WNK3: variants seen among roughly 807,000 people sequenced by gnomAD.
The protein encoded by WNK3 is serine/threonine-protein kinase WNK3.
WNK3 carries 18 observed loss-of-function variants against 116.7 expected under a neutral mutation model. The ratio of observed to expected loss-of-function variants is 0.15; its 90% confidence interval spans 0.11 to 0.23. The LOEUF is 0.23. Among genes scored for constraint, WNK3 ranks in the 10% least tolerant of loss-of-function variants. The pLI is 1.00. For missense variants in WNK3, 993 were observed against 1,323.8 expected (o/e 0.75, Z 3.88); for synonymous variants, 404 against 469.4 (o/e 0.86, Z 1.80).
chrX:54,320,362 C>T (rs1557171929), intron 2 of WNK3, among the ~76,000 whole-genome samples: 3 of 111,618 alleles, frequency 2.7e-5, no homozygotes, highest in African/African-American at 9.8e-5. Context: ...TCTACAGAAA[C>T]AAGTCAGAGG....
intron 10 of WNK3, among the ~76,000 whole-genome samples, chrX:54,280,070 G>A (rs782772063): frequency 2.1e-4 from 24 of 112,227 alleles, no homozygotes; most frequent in African/African-American, 3.2e-4. Flanking sequence ...AGGCCGAGGC[G>A]GGTGGATCAG....
At chrX:54,275,415 A>ATGTGTGTGTGTGTGTGTGTGTGTGTGTG (rs782672834) in intron 10 of WNK3, among the ~76,000 whole-genome samples, 1 of 64,432 alleles carries the variant, frequency 1.6e-5, no homozygotes, top group East Asian at 6.3e-4. Flanking sequence ...ATAAGTTCAT[A>ATGTGTGTGTGTGTGTGTGTGTGTGTGTG]TGTGTGTGTG....
exon 24 of WNK3, chrX:54,196,144 T>C (rs2067440297): frequency 9.0e-6 from 1 of 111,519 alleles, no homozygotes; most frequent in African/African-American, 3.3e-5. Flanking sequence ...TTTATACATA[T>C]GGAAAACAGT....
chrX:54,234,148 A>C (rs965430189), intron 20 of WNK3, among the ~76,000 whole-genome samples: 23 of 110,387 alleles, frequency 2.1e-4, no homozygotes, highest in South Asian at 3.9e-4. Context: ...CTGAGACAGG[A>C]GGATGGCCTG....
intron 17 of WNK3, 42 bp downstream of exon 17, chrX:54,248,654 AT>A (rs1334101089): frequency 1.9e-6 from 2 of 1,078,976 alleles, no homozygotes; most frequent in African/African-American, 3.7e-5. Context: ...CTTTAAAACA[AT>A]AAGCAAAGAG....
chrX:54,210,155 A>G (rs1457938009), intron 22 of WNK3, among the ~76,000 whole-genome samples: 1 of 112,094 alleles, frequency 8.9e-6, no homozygotes, highest in Non-Finnish European at 1.9e-5. Context: ...TATTGGAGCT[A>G]GAAATATGAA....
chrX:54,206,857 C>G (rs2067559170), intron 22 of WNK3, among the ~76,000 whole-genome samples: 1 of 111,211 alleles, frequency 9.0e-6, no homozygotes, highest in Non-Finnish European at 1.9e-5. Flanking sequence ...TGGTTAAACC[C>G]TGTCTCTACT....
At chrX:54,250,199 G>T in intron 15 of WNK3, 68 bp from the exon 16 acceptor site, 1 of 1,027,431 alleles carries the variant, frequency 9.7e-7, no homozygotes. Flanking sequence ...ATTGACTGAA[G>T]AAGCCAGGTT....
At chrX:54,274,792 C>T (rs782344901) in intron 10 of WNK3, among the ~76,000 whole-genome samples, 44 of 110,415 alleles carry the variant, frequency 4.0e-4, no homozygotes, top group Non-Finnish European at 4.0e-4. Flanking sequence ...GACTGCTTGA[C>T]GCCAGGAGTT....
At chrX:54,293,424 T>C in intron 8 of WNK3, 97 bp from the exon 9 acceptor site, 1 of 619,745 alleles carries the variant, frequency 1.6e-6, no homozygotes, top group South Asian at 4.3e-5. Context: ...ATGGCTTTTT[T>C]ACTCTGAGAA....
chrX:54,228,883 T>C (rs1161244628), intron 21 of WNK3, 140 bp from the exon 22 acceptor site: 12 of 357,322 alleles, frequency 3.4e-5, no homozygotes, highest in Middle Eastern at 4.5e-4. Flanking sequence ...TTATAATTTA[T>C]GGCAAAAGAC....
In WNK3 at chrX:54,238,811, A is replaced by G. The variant is rs781900045; in HGVS notation, c.3883+57T>C. On this transcript the variant is annotated intron_variant, in intron 18 of 23. Transcript: ENST00000354646. ...GATTTGTATATGAACAACAAAAAAA[A>G]TAAGTAAATGAAAAGTGATGTTACC... 4.2e-6 allele frequency: 4 copies of G among 944,376 alleles called. No individual in the cohort carries two copies. In the South Asian group the frequency reaches 9.1e-5, roughly 22 times the overall value. 77.8% of individuals were successfully genotyped at this position (944,376 alleles called of 1,213,427 possible).
chrX:54,276,266 C>T lies in WNK3; in HGVS notation c.2037+16622G>A, dbSNP rs145079127. 4.8e-3 allele frequency among the ~76,000 whole-genome samples: 530 copies of T among 110,409 alleles called. 2 individuals carry two copies. The highest frequency in any genetic ancestry group is 0.016 in the African/African-American group (495 of 30,231). ...GAGACAATTGCTTGAACCCAGGAGG[C>T]GGAGGTTGCAGTGAGCCAAGATTGT... On this transcript the variant is annotated intron_variant, in intron 10 of 23. Transcript: ENST00000354646.
Position 54,238,851 on chromosome X carries a change from GAC to G in WNK3, c.3883+15_3883+16del. ...GTGATGTTACCTAGTCTATGTCCCT[GAC>G]TGTAAGCACACTACCTTGACGGACT... On this transcript the variant is annotated intron_variant, in intron 18 of 23. Coordinates refer to ENST00000354646, the Ensembl canonical transcript of WNK3. The G allele has an allele frequency of 9.0e-7, 1 of 1,106,186 alleles. No homozygotes were observed. Among genetic ancestry groups the G allele is most frequent in the Non-Finnish European group, 1.2e-6 (1 of 832,411 alleles). The allele number at this position is 1,106,186 out of a possible 1,213,427, so 91.2% of individuals were successfully genotyped here.
At chrX:54,261,263 AAAAAAG>A (rs1291188304) in intron 10 of WNK3, among the ~76,000 whole-genome samples, 2 of 110,148 alleles carry the variant, frequency 1.8e-5, no homozygotes, top group African/African-American at 6.6e-5. Flanking sequence ...CCTGTCTTAA[AAAAAAG>A]AAAAAGAAAA....
intron 10 of WNK3, among the ~76,000 whole-genome samples, chrX:54,266,934 T>A (rs1411957641): frequency 9.1e-6 from 1 of 110,104 alleles, no homozygotes; most frequent in Non-Finnish European, 1.9e-5. Context: ...GATGTTCCCC[T>A]CCCTGTGTCC....
chrX:54,255,906 A>C lies in WNK3; in HGVS notation c.2103-19T>G, dbSNP rs1557155429. 1 of 1,181,558 alleles carries C rather than the reference A, an allele frequency of 8.5e-7. No homozygotes were observed. The highest frequency in any genetic ancestry group is 2.3e-5 in the Admixed American group (1 of 43,305). ...ATTCAAGCTAGTAATATTTTTAAAA[A>C]AGTAACTCATTCCAGTCTTGACAGT... On this transcript the variant is annotated intron_variant, in intron 11 of 23. Transcript: ENST00000354646.
chrX:54,265,107 T>C (rs2068295223), intron 10 of WNK3, among the ~76,000 whole-genome samples: 2 of 111,630 alleles, frequency 1.8e-5, no homozygotes, highest in Admixed American at 1.9e-4. Context: ...AGAACCAGAA[T>C]AAATCAATGC....
chrX:54,288,930 AG>A (rs1569537970), intron 10 of WNK3, among the ~76,000 whole-genome samples: 2 of 111,691 alleles, frequency 1.8e-5, no homozygotes, highest in East Asian at 5.6e-4. Context: ...TGCTATCAGG[AG>A]GGCTTATTGT....
Sources: gnomAD v4.1 joint callset for allele counts (sites outside exome capture counted in the v4.1 genomes callset) on GRCh38, gnomAD v4.1.1 for gene constraint, MANE v1.5 for transcripts, NCBI Gene and HGNC (gene_info 2026-07-23, HGNC 2026-07-21) for gene names.